The following PIEZO2 variants were observed in gnomAD, a reference collection of about 807,000 sequenced individuals.
The protein encoded by PIEZO2 is piezo type mechanosensitive ion channel component 2, also known as piezo-type mechanosensitive ion channel component 2.
Under a neutral mutation model 337.3 loss-of-function variants are expected in PIEZO2, and 172 were observed. The ratio of observed to expected loss-of-function variants is 0.51; its 90% confidence interval spans 0.45 to 0.58. The LOEUF (loss-of-function observed/expected upper bound fraction) is 0.58. Among genes scored for constraint, PIEZO2 ranks in the 20% least tolerant of loss-of-function variants. The pLI, the probability that PIEZO2 is intolerant of heterozygous loss-of-function variation, is 0.00. For synonymous variants in PIEZO2, 1,251 were observed against 1,228.5 expected, an observed-to-expected ratio of 1.02 and a Z score of -0.38; for missense variants, 3,028 against 3,391.3, an observed-to-expected ratio of 0.89 and a Z score of 2.66.
At chr18:11,072,122 C>A (rs2038363498) in intron 1 of PIEZO2, among the ~76,000 whole-genome samples, 2 of 152,160 alleles carry the variant, frequency 1.3e-5, no homozygotes, top group South Asian at 4.1e-4. Context: ...ATGTCTCATC[C>A]AGCACCCCTT....
intron 7 of PIEZO2, among the ~76,000 whole-genome samples, chr18:10,814,470 A>T (rs1472831096): frequency 6.6e-6 from 1 of 152,192 alleles, no homozygotes. Context: ...ATTGAAATGA[A>T]TGGAGGAAGA....
At chr18:10,701,454 T>A (rs528828099) in intron 43 of PIEZO2, among the ~76,000 whole-genome samples, 36 of 152,192 alleles carry the variant, frequency 2.4e-4, no homozygotes, top group Non-Finnish European at 4.9e-4. Context: ...AGCTCTGGGT[T>A]TTACTGGGCA....
At position 10,783,625 on chromosome 18, in the gene PIEZO2, G is replaced by C. The variant is rs1220653069; in HGVS notation, c.2492+1159C>G. On this transcript the variant is annotated intron_variant, in intron 17 of 55. Coordinates refer to ENST00000674853, the MANE Select transcript of PIEZO2 (RefSeq NM_001378183.1). The surrounding 1 kb of genome is among the most constrained non-coding windows in gnomAD (Gnocchi z 4.3). ...TGCCCTCCTCCCTGCTGGGGCCTTG[G>C]GAGCAGAGAGGTTTTAGCAGAGCCT... Among the ~76,000 whole-genome samples the C allele has an allele frequency of 1.3e-5, 2 of 152,094 alleles. No homozygotes were observed. The highest frequency in any genetic ancestry group is 4.8e-5 in the African/African-American group (2 of 41,402).
At chr18:10,946,665 T>C (rs1399576724) in intron 3 of PIEZO2, among the ~76,000 whole-genome samples, 1 of 152,236 alleles carries the variant, frequency 6.6e-6, no homozygotes, top group Non-Finnish European at 1.5e-5. Context: ...GGGCTGGTGC[T>C]GCCAGGGCTT....
chr18:10,882,941 C>T (rs867339834), intron 4 of PIEZO2, among the ~76,000 whole-genome samples: 2 of 143,232 alleles, frequency 1.4e-5, no homozygotes, highest in Non-Finnish European at 1.5e-5. Context: ...TGGGTCCAAG[C>T]GATTCTCCTG....
chr18:10,765,239 G>C (rs1325913046), intron 21 of PIEZO2, among the ~76,000 whole-genome samples: 2 of 152,210 alleles, frequency 1.3e-5, no homozygotes, highest in Non-Finnish European at 2.9e-5. Flanking sequence ...GAAATAGCAG[G>C]TCCAAGGTCC....
intron 7 of PIEZO2, among the ~76,000 whole-genome samples, chr18:10,812,061 C>A (rs1026262844): frequency 6.6e-6 from 1 of 152,210 alleles, no homozygotes; most frequent in Non-Finnish European, 1.5e-5. Context: ...TCTCGATCTC[C>A]TGACCTCGTG....
At chr18:11,060,359 AG>A (rs1235876173) in intron 2 of PIEZO2, among the ~76,000 whole-genome samples, 3 of 152,220 alleles carry the variant, frequency 2.0e-5, no homozygotes, top group African/African-American at 7.2e-5. Context: ...TAGAGAAGCA[AG>A]AGCAAACACA....
rs1186588125 is a variant in PIEZO2 at position 10,704,567 on chromosome 18, T to G, written c.6085A>C (p.Asn2029His). 9 of 1,537,170 alleles carry G rather than the reference T, an allele frequency of 5.9e-6. No homozygotes were observed. Among genetic ancestry groups the G allele is most frequent in the African/African-American group, 1.4e-5 (1 of 73,050 alleles). Residue 2029 changes from asparagine to histidine, a missense_variant, in exon 42 of 56, where the codon AAT becomes CAT. Physicochemically the swap from Asn to His is moderately conservative, Grantham distance 68. Around this residue, in one of 5 missense-constraint regions of PIEZO2, gnomAD observed 1,925 missense variants for 2,051.9 expected, o/e 0.94. Coordinates refer to ENST00000674853, the MANE Select transcript of PIEZO2 (RefSeq NM_001378183.1). ...RFLLLFYAMYNTLVARSEMVC... is the reference protein window; with the variant it reads ...RFLLLFYAMYHTLVARSEMVC... ...ATCTCCGAGCGGGCCACCAGGGTAT[T>G]GTACATGGCATAGAAGAGCAGCAGA... is the stretch of plus-strand genomic sequence containing the variant.
rs1292280487 is a variant in PIEZO2, at chr18:10,861,945, G to A, written c.493-4734C>T. ...AGGCAGGAGAATCACTGGAACCAAC[G>A]AGGCAGAGGTCGCAGTGAGCCGAGA... is the stretch of plus-strand genomic sequence containing the variant. On this transcript the variant is annotated intron_variant, in intron 5 of 55. Transcript: ENST00000674853. This position sits in a 1 kb window ranked among gnomAD's most constrained non-coding sequence, Gnocchi z 4.3. 6.6e-6 allele frequency among the ~76,000 whole-genome samples: 1 copy of A among 151,994 alleles called. No homozygotes were observed. The highest frequency in any genetic ancestry group is 6.6e-5 in the Admixed American group (1 of 15,252).
intron 8 of PIEZO2, among the ~76,000 whole-genome samples, chr18:10,805,207 T>C (rs1354437434): frequency 1.3e-5 from 2 of 152,216 alleles, no homozygotes; most frequent in East Asian, 1.9e-4. Context: ...ATTTCCATAA[T>C]GTATAAGAGT....
At chr18:10,889,088 G>C (rs2042685974) in intron 4 of PIEZO2, among the ~76,000 whole-genome samples, 1 of 152,214 alleles carries the variant, frequency 6.6e-6, no homozygotes, top group African/African-American at 2.4e-5. Context: ...TTGGTAAAAA[G>C]AGGCTGAAAG....
intron 1 of PIEZO2, among the ~76,000 whole-genome samples, chr18:11,136,437 G>T (rs2040489141): frequency 6.6e-6 from 1 of 152,204 alleles, no homozygotes; most frequent in Admixed American, 6.5e-5. Flanking sequence ...CTTCTCTTGT[G>T]ACTGAGGATG....
At chr18:11,087,824 T>C (rs2038957858) in intron 1 of PIEZO2, among the ~76,000 whole-genome samples, 1 of 152,254 alleles carries the variant, frequency 6.6e-6, no homozygotes, top group Non-Finnish European at 1.5e-5. Flanking sequence ...GCTTGTGCAC[T>C]GCACAGGCTG....
At chr18:10,787,925 TTTAA>T (rs1177771842) in intron 15 of PIEZO2, among the ~76,000 whole-genome samples, 1 of 152,154 alleles carries the variant, frequency 6.6e-6, no homozygotes, top group Non-Finnish European at 1.5e-5. Flanking sequence ...ATGAAATTCT[TTTAA>T]TTAATGAAAT....
intron 55 of PIEZO2, among the ~76,000 whole-genome samples, 191 bp from the exon 56 acceptor site, chr18:10,671,970 G>T (rs1443939088): frequency 1.3e-5 from 2 of 152,020 alleles, no homozygotes; most frequent in African/African-American, 4.8e-5. Flanking sequence ...ATAGAAAATA[G>T]AATTATGTAT....
Position 10,754,840 on chromosome 18 carries a change from G to C in PIEZO2, c.3924-1961C>G, listed in dbSNP as rs183725532. Among the ~76,000 whole-genome samples the C allele has an allele frequency of 6.6e-5, 10 of 152,224 alleles. No individual in the cohort carries two copies. The East Asian group carries it at 1.9e-3, about 29-fold the overall frequency. On this transcript the variant is annotated intron_variant, in intron 27 of 55. Coordinates refer to ENST00000674853, the MANE Select transcript of PIEZO2 (RefSeq NM_001378183.1). Reference sequence around the variant, plus strand: ...TAAGCGCATAAACATTCAGATTTGGGAGCTGGATTGCTTGAGTTCCAATCC... The same window carrying C: ...TAAGCGCATAAACATTCAGATTTGGCAGCTGGATTGCTTGAGTTCCAATCC...
At position 10,969,378 on chromosome 18, in the gene PIEZO2, CATG is replaced by C. The variant is rs1238476384; in HGVS notation, c.286+10154_286+10156del. On this transcript the variant is annotated intron_variant, in intron 3 of 55. Coordinates refer to ENST00000674853, the MANE Select transcript of PIEZO2 (RefSeq NM_001378183.1). The surrounding 1 kb of genome is among the most constrained non-coding windows in gnomAD (Gnocchi z 4.5). ...TTGTCTTACAGCAAGGACTGGTCGG[CATG>C]GTGGGGAGCAGACGGGCGTGAGGAT... Among the ~76,000 whole-genome samples the C allele has an allele frequency of 8.8e-5, 13 of 147,268 alleles. No individual in the cohort carries two copies. The highest frequency in any genetic ancestry group is 1.7e-4 in the Non-Finnish European group (11 of 65,924).
chr18:11,071,448 C>G (rs1454846490), intron 1 of PIEZO2, among the ~76,000 whole-genome samples: 1 of 152,194 alleles, frequency 6.6e-6, no homozygotes, highest in African/African-American at 2.4e-5. Flanking sequence ...TGGGCTACAT[C>G]AGAGAGCAAA....
Sources: allele counts gnomAD v4.1 joint callset (sites outside exome capture counted in the v4.1 genomes callset), GRCh38; gene constraint gnomAD v4.1.1; regional missense constraint gnomAD v4.1.1; non-coding constraint Gnocchi (gnomAD v3.1); transcripts MANE v1.5; gene names NCBI Gene and HGNC (gene_info 2026-07-23, HGNC 2026-07-21).